Variants in FHIT observed in about 807,000 individuals in gnomAD.
FHIT encodes the protein bis(5'-adenosyl)-triphosphatase.
FHIT carries 19 observed loss-of-function variants against 17.9 expected under a neutral mutation model. That is an observed-to-expected ratio of 1.06 (90% CI 0.74 to 1.56). The LOEUF is 1.56. Among genes scored for constraint, FHIT ranks in the 40% most tolerant of loss-of-function variants. FHIT has a pLI of 0.00. For missense variants in FHIT, 248 were observed against 189.2 expected (o/e 1.31, Z -1.82); for synonymous variants, 81 against 69.7 (o/e 1.16, Z -0.81).
chr3:60,235,864 G>C (rs1311648984), intron 5 of FHIT, among the ~76,000 whole-genome samples: 4 of 152,050 alleles, frequency 2.6e-5, no homozygotes, highest in Non-Finnish European at 5.9e-5. Flanking sequence ...CCCAGTGTTT[G>C]AATTTTAAAA....
chr3:60,849,837 T>A (rs782695236), intron 3 of FHIT, among the ~76,000 whole-genome samples: 2 of 152,014 alleles, frequency 1.3e-5, no homozygotes, highest in Non-Finnish European at 2.9e-5. Context: ...ATGTAATTGA[T>A]CAAATTCAAG....
At chr3:60,502,729 A>G (rs1220569774) in intron 5 of FHIT, among the ~76,000 whole-genome samples, 6 of 152,232 alleles carry the variant, frequency 3.9e-5, no homozygotes, top group Non-Finnish European at 8.8e-5. Flanking sequence ...TGTAGTCATG[A>G]GGGCTGACGA....
Position 59,893,600 on chromosome 3 carries a change from C to G in FHIT, c.348+28746G>C, listed in dbSNP as rs1301857288. Among the ~76,000 whole-genome samples the G allele has an allele frequency of 2.0e-5, 3 of 152,196 alleles. No individual in the cohort carries two copies. In the East Asian group the frequency reaches 5.8e-4, roughly 29 times the overall value. On this transcript the variant is annotated intron_variant, in intron 8 of 9. Coordinates refer to ENST00000492590, the MANE Select transcript of FHIT (RefSeq NM_002012.4). Reference sequence around the variant, plus strand: ...ACAGCATTTTTGTAGGAAGTGTGTTCTAACTGCCTTTGTAAAAGGAAAAAG... The same window carrying G: ...ACAGCATTTTTGTAGGAAGTGTGTTGTAACTGCCTTTGTAAAAGGAAAAAG...
At chr3:60,761,580 G>C (rs1368076703) in intron 4 of FHIT, among the ~76,000 whole-genome samples, 1 of 149,478 alleles carries the variant, frequency 6.7e-6, no homozygotes, top group Non-Finnish European at 1.5e-5. Flanking sequence ...TATCAACATA[G>C]ATGTTCTAAT....
chr3:59,965,336 G>T (rs1004218537), intron 7 of FHIT, among the ~76,000 whole-genome samples: 1 of 152,078 alleles, frequency 6.6e-6, no homozygotes, highest in Non-Finnish European at 1.5e-5. Context: ...GCATATATAT[G>T]TGACAATATA....
chr3:60,555,005 T>C (rs2107633141), intron 4 of FHIT, among the ~76,000 whole-genome samples: 1 of 152,354 alleles, frequency 6.6e-6, no homozygotes, highest in South Asian at 2.1e-4. Context: ...ACGGTGTTAT[T>C]CACAAGATAA....
chr3:61,197,483 C>A (rs1445738260), intron 2 of FHIT, among the ~76,000 whole-genome samples: 1 of 152,068 alleles, frequency 6.6e-6, no homozygotes, highest in Non-Finnish European at 1.5e-5. Flanking sequence ...AAAAAATTAA[C>A]AAGTTTTGTT....
chr3:60,902,606 TAAG>T (rs1706178654), intron 3 of FHIT, among the ~76,000 whole-genome samples: 1 of 152,196 alleles, frequency 6.6e-6, no homozygotes. Flanking sequence ...GAACTATTGG[TAAG>T]AAGTTACTGA....
intron 4 of FHIT, among the ~76,000 whole-genome samples, chr3:60,724,668 T>G (rs1553708897): frequency 2.0e-5 from 3 of 149,952 alleles, no homozygotes; most frequent in East Asian, 1.9e-4. Flanking sequence ...TTGTTTTTTT[T>G]TTTTTTGAGA....
At position 61,014,667 on chromosome 3, in the gene FHIT, C is replaced by T. The variant is rs1271841501; in HGVS notation, c.-111+27380G>A. 6.0e-5 allele frequency among the ~76,000 whole-genome samples: 9 copies of T among 149,300 alleles called. No individual in the cohort carries two copies. The South Asian group carries it at 6.4e-4, about 11-fold the overall frequency. On this transcript the variant is annotated intron_variant, in intron 3 of 9. Transcript: ENST00000492590. ...TGGTGGTGGGCACCTGTAGTCCCAG[C>T]TACTTGGGAGGCTGAGGCATGAGAA...
intron 5 of FHIT, among the ~76,000 whole-genome samples, chr3:60,458,018 A>C (rs2032219341): frequency 1.3e-5 from 2 of 152,218 alleles, no homozygotes; most frequent in African/African-American, 2.4e-5. Context: ...TGTGGAAGTC[A>C]GTGTGGCGGT....
At chr3:60,477,077 T>C (rs549169638) in intron 5 of FHIT, among the ~76,000 whole-genome samples, 249 of 152,164 alleles carry the variant, frequency 1.6e-3, no homozygotes, top group African/African-American at 5.6e-3. Context: ...AGTATTATAA[T>C]ATCATATTCA....
intron 8 of FHIT, among the ~76,000 whole-genome samples, chr3:59,849,196 G>C (rs655011): frequency 0.98 from 149,611 of 152,240 alleles, 73,569 homozygotes; most frequent in East Asian, 1. Context: ...CATGGTGAAA[G>C]CCCATGGCTC....
intron 5 of FHIT, among the ~76,000 whole-genome samples, chr3:60,114,489 C>CTTTTTTTTTTTTTTT (rs1576129465): frequency 3.9e-4 from 24 of 61,596 alleles, no homozygotes; most frequent in Middle Eastern, 0.017. Context: ...AAGAGAAATC[C>CTTTTTTTTTTTTTTT]TTTTTTTTTT....
rs1192648440 is a variant in FHIT at position 60,277,195 on chromosome 3, C to T, written c.103+259665G>A. The stretch of plus-strand genomic sequence containing the variant: ...TCTGGATCTGGTTTTCTCTTTTAAC[C>T]ATTTGCATAAAAATGTTTTGTGAGG... On this transcript the variant is annotated intron_variant, in intron 5 of 9. Coordinates refer to ENST00000492590, the MANE Select transcript of FHIT (RefSeq NM_002012.4). Among the ~76,000 whole-genome samples, 5 of 152,018 alleles carry T rather than the reference C, an allele frequency of 3.3e-5. No individual in the cohort carries two copies. In the South Asian group the frequency reaches 8.3e-4, roughly 25 times the overall value.
At chr3:60,079,199 A>G (rs527650140) in intron 5 of FHIT, among the ~76,000 whole-genome samples, 29 of 152,280 alleles carry the variant, frequency 1.9e-4, no homozygotes, top group Non-Finnish European at 2.6e-4. Context: ...AGAGGGCGTT[A>G]CTGTCTGAAA....
chr3:61,233,567 AT>A (rs2040158291), intron 1 of FHIT, among the ~76,000 whole-genome samples: 1 of 152,212 alleles, frequency 6.6e-6, no homozygotes. Context: ...GGACAATTCC[AT>A]TTTTTGTGCA....
intron 8 of FHIT, among the ~76,000 whole-genome samples, chr3:59,832,808 A>G (rs1231336671): frequency 3.3e-5 from 5 of 152,218 alleles, no homozygotes; most frequent in African/African-American, 1.2e-4. Flanking sequence ...GCTAGGGGCT[A>G]TCTTCCCTAT....
chr3:59,964,027 A>T (rs776069272), intron 7 of FHIT, among the ~76,000 whole-genome samples: 10 of 152,222 alleles, frequency 6.6e-5, no homozygotes, highest in Non-Finnish European at 1.3e-4. Context: ...AAATGTGGTC[A>T]ACCAACTAAA....
Sources: allele counts gnomAD v4.1 joint callset (sites outside exome capture counted in the v4.1 genomes callset), GRCh38; gene constraint gnomAD v4.1.1; transcripts MANE v1.5; gene names NCBI Gene and HGNC (gene_info 2026-07-23, HGNC 2026-07-21).